JAML: variants seen among roughly 807,000 people sequenced by gnomAD.
JAML encodes junction adhesion molecule like, also known as junctional adhesion molecule-like.
JAML carries 25 observed loss-of-function variants against 39.3 expected under a neutral mutation model. The observed-to-expected ratio is 0.64, with a 90% confidence interval of 0.46 to 0.89. The LOEUF is 0.89. Ranked by LOEUF, JAML falls within the 40% of genes least tolerant of loss-of-function variation. JAML has a pLI of 0.00. For missense variants in JAML, 440 were observed against 486.9 expected (o/e 0.90, Z 0.91); for synonymous variants, 162 against 179.2 (o/e 0.90, Z 0.77).
chr11:118,197,222 A>T (rs73593821), intron 8 of JAML: 283 of 188,230 alleles, frequency 1.5e-3, no homozygotes, highest in African/African-American at 6.6e-3. Context: ...GCCAGCCCTC[A>T]TTGAACCTCA....
Position 118,217,074 on chromosome 11 carries a change from G to A in JAML, c.-20-2188C>T, listed in dbSNP as rs191439605. Among the ~76,000 whole-genome samples the A allele has an allele frequency of 1.7e-4, 26 of 152,274 alleles. No homozygotes were observed. The East Asian group carries it at 2.7e-3, about 16-fold the overall frequency. On this transcript the variant is annotated intron_variant, in intron 1 of 9. Transcript: ENST00000356289. ...ACATTCCCCCTGCAGCTCACCAACC[G>A]CATGGAGGAGTAATGACTAATTTAT...
At chr11:118,214,980 GT>G (rs1949121355) in intron 1 of JAML, 94 bp from the exon 2 acceptor site, 1 of 1,098,382 alleles carries the variant, frequency 9.1e-7, no homozygotes, top group Non-Finnish European at 1.4e-6. Flanking sequence ...AGCAGCCTCT[GT>G]TTGAGACACT....
rs747884365 is a variant in JAML at position 118,203,630 on chromosome 11, C to T, written c.570G>A (p.Arg190=). ...AGCTCTGGGAGTACTCCACAGACAT[C>T]CTGAGTTTGTGGTAGTAACGAAATA... ...EIVFRYYHKL[R]MSVEYSQSWG... The change falls in exon 6 of 10, where the codon AGG becomes AGA. Residue 190 remains arginine, a synonymous_variant. Transcript: ENST00000356289. The T allele has an allele frequency of 6.8e-6, 11 of 1,613,790 alleles. No homozygotes were observed. In the Admixed American group the frequency reaches 1.7e-4, roughly 24 times the overall value.
At chr11:118,204,020 T>C (rs1482409213) in intron 5 of JAML, 1 of 258,642 alleles carries the variant, frequency 3.9e-6, no homozygotes, top group Non-Finnish European at 7.7e-6. Context: ...TGTCTAAAAC[T>C]GAACTCTTCA....
At chr11:118,215,590 C>T (rs1949129025) in intron 1 of JAML, among the ~76,000 whole-genome samples, 1 of 152,072 alleles carries the variant, frequency 6.6e-6, no homozygotes, top group Non-Finnish European at 1.5e-5. Flanking sequence ...TCCAGTGATC[C>T]TCCACCTCAG....
intron 2 of JAML, chr11:118,212,921 G>T (rs559289085): frequency 1.7e-5 from 28 of 1,614,046 alleles, no homozygotes; most frequent in Non-Finnish European, 2.4e-5. Flanking sequence ...TTACCATAAC[G>T]ACGAAATGGG....
At chr11:118,195,607 C>G (rs1030324535) in intron 9 of JAML, among the ~76,000 whole-genome samples, 4 of 152,156 alleles carry the variant, frequency 2.6e-5, no homozygotes, top group African/African-American at 9.7e-5. Flanking sequence ...CTACAGAAGT[C>G]TAAGCAAAGG....
chr11:118,221,751 T>C (rs1278314601), intron 1 of JAML, among the ~76,000 whole-genome samples: 2 of 152,180 alleles, frequency 1.3e-5, no homozygotes, highest in Non-Finnish European at 2.9e-5. Context: ...GCTCCAAAAG[T>C]GAGTCTTTTG....
chr11:118,211,211 G>T (rs1949053358), intron 3 of JAML, among the ~76,000 whole-genome samples: 1 of 152,172 alleles, frequency 6.6e-6, no homozygotes, highest in Non-Finnish European at 1.5e-5. Context: ...CATCCACAGG[G>T]AATGGTTCCA....
Position 118,203,350 on chromosome 11 carries a change from T to A in JAML, c.772+78A>T. The stretch of plus-strand genomic sequence containing the variant: ...CCTTCAATTTTGCATCCTAGGAACC[T>A]CTCCGGCCTCACTCTAGTCCTGGCG... On this transcript the variant is annotated intron_variant, in intron 6 of 9. Coordinates refer to ENST00000356289, the MANE Select transcript of JAML (RefSeq NM_001098526.2). 3.0e-6 allele frequency: 4 copies of A among 1,349,182 alleles called. No individual in the cohort carries two copies. The South Asian group carries it at 4.7e-5, about 16-fold the overall frequency. The allele number at this position is 1,349,182 out of a possible 1,614,324, so 83.6% of individuals were successfully genotyped here.
At chr11:118,220,042 C>A (rs567804936) in intron 1 of JAML, among the ~76,000 whole-genome samples, 2 of 152,182 alleles carry the variant, frequency 1.3e-5, no homozygotes, top group Non-Finnish European at 1.5e-5. Context: ...GAGAGGAAAA[C>A]CCTCTCCTAC....
chr11:118,198,146 G>A (rs1239066416), intron 7 of JAML, 55 bp from the exon 8 acceptor site: 2 of 1,443,062 alleles, frequency 1.4e-6, no homozygotes, highest in South Asian at 1.1e-5. Flanking sequence ...TTATTCAAGG[G>A]TCCCTACATG....
chr11:118,224,203 C>CGCGA (rs1255837376), intron 1 of JAML: 2 of 152,206 alleles, frequency 1.3e-5, no homozygotes, highest in African/African-American at 2.4e-5. Context: ...GTCTAGGTCA[C>CGCGA]ATCGGTTAAT....
Position 118,203,433 on chromosome 11 carries a change from G to T in JAML, c.767C>A (p.Pro256His). ...CCCAGCCAAATGTTAGATACTTCGAGGCTCTTCCGGGCTGACATGCAGCAC... is the reference window on the plus strand; with the variant it reads ...CCCAGCCAAATGTTAGATACTTCGATGCTCTTCCGGGCTGACATGCAGCAC... Reference protein sequence around the residue: ...TIVLHVSPEEPRTLVTPAALR... With the variant: ...TIVLHVSPEEHRTLVTPAALR... The change falls in exon 6 of 10, where the codon CCT becomes CAT. Residue 256 changes from proline (P) to histidine (H), a missense_variant. Pro to His is a moderately conservative substitution (Grantham distance 77, BLOSUM62 -2). Coordinates refer to ENST00000356289, the MANE Select transcript of JAML (RefSeq NM_001098526.2). 2 of 1,613,858 alleles carry T rather than the reference G, an allele frequency of 1.2e-6. No individual in the cohort carries two copies. The highest frequency in any genetic ancestry group is 1.1e-5 in the South Asian group (1 of 91,070).
At chr11:118,215,609 A>T (rs1949129485) in intron 1 of JAML, among the ~76,000 whole-genome samples, 1 of 151,866 alleles carries the variant, frequency 6.6e-6, no homozygotes, top group South Asian at 2.1e-4. Flanking sequence ...AGCCTCTCAA[A>T]GTGTTGGGAT....
chr11:118,212,723 C>A lies in JAML; in HGVS notation c.44-162G>T, dbSNP rs138014048. 936 of 1,512,722 alleles carry A rather than the reference C, an allele frequency of 6.2e-4. 9 individuals are homozygous for A. The East Asian group carries it at 0.02, about 32-fold the overall frequency. 93.7% of individuals were successfully genotyped at this position (1,512,722 alleles called of 1,614,324 possible). ...AAAGGCAGCATGGCATCCCTGTCCT[C>A]TAGTTACCTATATGGCTCATCAGAA... On this transcript the variant is annotated intron_variant, in intron 2 of 9. Coordinates refer to ENST00000356289, the MANE Select transcript of JAML (RefSeq NM_001098526.2).
rs560372091 is a variant in JAML, at chr11:118,222,406, G to A, written c.-21+2535C>T. Among the ~76,000 whole-genome samples the A allele has an allele frequency of 4.0e-5, 6 of 151,764 alleles. No individual in the cohort carries two copies. The highest frequency in any genetic ancestry group is 8.8e-5 in the Non-Finnish European group (6 of 67,934). On this transcript the variant is annotated intron_variant, in intron 1 of 9. Coordinates refer to ENST00000356289, the MANE Select transcript of JAML (RefSeq NM_001098526.2). The surrounding 1 kb of genome is among the most constrained non-coding windows in gnomAD (Gnocchi z 4.2). Reference sequence around the variant, plus strand: ...CTGCATTCCAACCTGGCGACAGAGCGAGACTCCATCTAAACAAACAAAAAG... The same window carrying A: ...CTGCATTCCAACCTGGCGACAGAGCAAGACTCCATCTAAACAAACAAAAAG...
At chr11:118,197,916 T>C in intron 8 of JAML, 82 bp downstream of exon 8, 2 of 1,280,558 alleles carry the variant, frequency 1.6e-6, no homozygotes, top group East Asian at 4.6e-5. Flanking sequence ...CGACATACAA[T>C]GGGTAAGATA....
At chr11:118,208,367 C>A (rs1440325760) in intron 4 of JAML, among the ~76,000 whole-genome samples, 1 of 152,188 alleles carries the variant, frequency 6.6e-6, no homozygotes, top group African/African-American at 2.4e-5. Flanking sequence ...GGAGAGGGGC[C>A]AGAGGCCACC....
Sources: allele counts gnomAD v4.1 joint callset (sites outside exome capture counted in the v4.1 genomes callset), GRCh38; gene constraint gnomAD v4.1.1; non-coding constraint Gnocchi (gnomAD v3.1); transcripts MANE v1.5; gene names NCBI Gene and HGNC (gene_info 2026-07-23, HGNC 2026-07-21).